The following HECTD2 variants were observed in gnomAD, a reference collection of about 807,000 sequenced individuals.
HECTD2 encodes the protein HECT domain E3 ubiquitin protein ligase 2, also known as probable E3 ubiquitin-protein ligase HECTD2.
In HECTD2, 35 loss-of-function variants were observed where a neutral mutation model predicts 103.2. The observed-to-expected ratio is 0.34, with a 90% CI of 0.26 to 0.45. HECTD2 has a LOEUF of 0.45. Among genes scored for constraint, HECTD2 ranks in the 20% least tolerant of loss-of-function variants. HECTD2 has a pLI of 1.00. For synonymous variants in HECTD2, 281 were observed against 329.9 expected (o/e 0.85, Z 1.61); for missense variants, 596 against 937.4 (o/e 0.64, Z 4.76).
At chr10:91,463,125 T>C (rs533881849) in intron 5 of HECTD2, 1 of 152,232 alleles carries the variant, frequency 6.6e-6, no homozygotes, top group African/African-American at 2.4e-5. Context: ...TGTATAACTT[T>C]TGACTCCCCA....
rs1342030479 is a variant in HECTD2, at chr10:91,473,803, TAATA to T, written c.601-4395_601-4392del. On this transcript the variant is annotated intron_variant, in intron 5 of 20. Transcript: ENST00000298068. ...TACATAATACATATAAAATATGTGT[TAATA>T]AACTATATTATTGGTGAGGTTCTGA... Among the ~76,000 whole-genome samples the T allele has an allele frequency of 8.5e-5, 13 of 152,324 alleles. No homozygotes were observed. The East Asian group carries it at 2.3e-3, about 27-fold the overall frequency.
intron 2 of HECTD2, among the ~76,000 whole-genome samples, chr10:91,445,411 T>G (rs909570267): frequency 2.0e-5 from 3 of 152,168 alleles, no homozygotes; most frequent in Non-Finnish European, 4.4e-5. Flanking sequence ...ATGCTGTGCC[T>G]TGAGTTTCAA....
At chr10:91,505,160 GC>G (rs1847099904) in intron 20 of HECTD2, among the ~76,000 whole-genome samples, 1 of 151,990 alleles carries the variant, frequency 6.6e-6, no homozygotes. Context: ...ACCAGCCGCT[GC>G]AAAATCATGC....
chr10:91,508,141 AAAC>A (rs1274053869), intron 20 of HECTD2, among the ~76,000 whole-genome samples: 3 of 114,048 alleles, frequency 2.6e-5, no homozygotes, highest in African/African-American at 1.4e-4. Context: ...TTAAAGACTT[AAAC>A]GTTAGACCTA....
chr10:91,432,055 T>C lies in HECTD2; in HGVS notation c.268+6645T>C, dbSNP rs1589473748. Among the ~76,000 whole-genome samples the C allele has an allele frequency of 5.9e-5, 9 of 152,064 alleles. 1 individual carries two copies. In the South Asian group the frequency reaches 1.9e-3, roughly 32 times the overall value. On this transcript the variant is annotated intron_variant, in intron 2 of 20. Coordinates refer to ENST00000298068, the MANE Select transcript of HECTD2 (RefSeq NM_182765.6). Reference sequence around the variant, plus strand: ...CTGTTCTATCTGGATGCCACCTGAATTCAGGTGTGGCATGGAGTTTATTTG... The same window carrying C: ...CTGTTCTATCTGGATGCCACCTGAACTCAGGTGTGGCATGGAGTTTATTTG...
intron 2 of HECTD2, among the ~76,000 whole-genome samples, chr10:91,432,665 C>A (rs1266065523): frequency 1.5e-5 from 2 of 136,196 alleles, no homozygotes; most frequent in Admixed American, 6.7e-5. Context: ...CTTCCCCAAA[C>A]TTTAAAAAAA....
intron 2 of HECTD2, among the ~76,000 whole-genome samples, chr10:91,445,964 G>A (rs1844595378): frequency 6.6e-6 from 1 of 152,014 alleles, no homozygotes; most frequent in Non-Finnish European, 1.5e-5. Flanking sequence ...GTGGCCATTT[G>A]AGCAGACACC....
At chr10:91,425,227 A>G in intron 1 of HECTD2, 54 bp from the exon 2 acceptor site, 1 of 1,310,212 alleles carries the variant, frequency 7.6e-7, no homozygotes, top group Non-Finnish European at 1.0e-6. Context: ...TTTGCAATAA[A>G]ATAATTTATA....
intron 7 of HECTD2, among the ~76,000 whole-genome samples, chr10:91,482,569 T>C (rs1176264747): frequency 1.3e-5 from 2 of 151,970 alleles, no homozygotes; most frequent in Non-Finnish European, 2.9e-5. Flanking sequence ...TGATAGTGAT[T>C]GGTACCATTT....
At chr10:91,414,285 A>G (rs1474958481) in intron 1 of HECTD2, among the ~76,000 whole-genome samples, 2 of 152,224 alleles carry the variant, frequency 1.3e-5, no homozygotes, top group Non-Finnish European at 2.9e-5. Flanking sequence ...ATGTTAGCCT[A>G]TAATGGAAGA....
rs576847123 is a variant in HECTD2, at chr10:91,413,414, A to C, written c.138+2838A>C. On this transcript the variant is annotated intron_variant, in intron 1 of 20. Transcript: ENST00000298068. Reference sequence around the variant, plus strand: ...CAGAGTTACCTTGGTAGCATATTAAAGTCCTCATTCCTACATCTCACCCTA... The same window carrying C: ...CAGAGTTACCTTGGTAGCATATTAACGTCCTCATTCCTACATCTCACCCTA... Among the ~76,000 whole-genome samples the C allele has an allele frequency of 1.1e-4, 16 of 152,318 alleles. 1 individual carries two copies. The South Asian group carries it at 3.3e-3, about 32-fold the overall frequency.
chr10:91,465,912 T>G (rs545310476), intron 5 of HECTD2, among the ~76,000 whole-genome samples: 1 of 152,318 alleles, frequency 6.6e-6, no homozygotes, highest in South Asian at 2.1e-4. Context: ...TGTAATATCT[T>G]TCTCTTTTGA....
At chr10:91,418,601 A>C (rs575455540) in intron 1 of HECTD2, among the ~76,000 whole-genome samples, 1 of 152,306 alleles carries the variant, frequency 6.6e-6, no homozygotes, top group Admixed American at 6.5e-5. Flanking sequence ...TTCATATCTT[A>C]GTAGAAGGAT....
At chr10:91,430,351 T>A (rs1211001792) in intron 2 of HECTD2, among the ~76,000 whole-genome samples, 2 of 152,222 alleles carry the variant, frequency 1.3e-5, no homozygotes, top group East Asian at 3.9e-4. Context: ...AAAATGTCTA[T>A]TCTGTTGATT....
intron 20 of HECTD2, among the ~76,000 whole-genome samples, chr10:91,504,471 G>A (rs575680400): frequency 4.3e-4 from 65 of 152,318 alleles, no homozygotes; most frequent in Non-Finnish European, 7.1e-4. Flanking sequence ...CGAGAACCAC[G>A]TGAAGAATGC....
chr10:91,426,156 G>A (rs1425423882), intron 2 of HECTD2, among the ~76,000 whole-genome samples: 1 of 151,956 alleles, frequency 6.6e-6, no homozygotes, highest in African/African-American at 2.4e-5. Context: ...GAGCATAGAG[G>A]GGTGCTTACC....
At chr10:91,456,637 G>A (rs1475818593) in intron 2 of HECTD2, among the ~76,000 whole-genome samples, 3 of 152,100 alleles carry the variant, frequency 2.0e-5, no homozygotes, top group East Asian at 3.9e-4. Context: ...GTGAGAGAGG[G>A]CATCCCTGTC....
At chr10:91,507,076 G>A (rs564152257) in intron 20 of HECTD2, among the ~76,000 whole-genome samples, 4 of 152,108 alleles carry the variant, frequency 2.6e-5, no homozygotes, top group East Asian at 1.9e-4. Context: ...ATTCAACAAC[G>A]CTTCATGCTA....
At chr10:91,509,018 G>A (rs541220004) in intron 20 of HECTD2, among the ~76,000 whole-genome samples, 73 of 149,844 alleles carry the variant, frequency 4.9e-4, no homozygotes, top group Middle Eastern at 3.4e-3. Context: ...GTAAACTATC[G>A]CAATAACAAA....
Sources: allele counts gnomAD v4.1 joint callset (sites outside exome capture counted in the v4.1 genomes callset), GRCh38; gene constraint gnomAD v4.1.1; transcripts MANE v1.5; gene names NCBI Gene and HGNC (gene_info 2026-07-23, HGNC 2026-07-21).